SPAG9: variants seen among roughly 807,000 people sequenced by gnomAD.
The protein encoded by SPAG9 is C-Jun-amino-terminal kinase-interacting protein 4.
SPAG9 carries 35 observed loss-of-function variants against 166.5 expected under a neutral mutation model. The observed-to-expected ratio is 0.21, with a 90% CI of 0.16 to 0.28. The LOEUF (loss-of-function observed/expected upper bound fraction) is 0.28. SPAG9 is among the 10% of genes least tolerant of loss of function. The pLI is 1.00. For missense variants in SPAG9, 1,235 were observed against 1,603.3 expected, an observed-to-expected ratio of 0.77 and a Z score of 3.92; for synonymous variants, 534 against 565.5, an observed-to-expected ratio of 0.94 and a Z score of 0.79.
intron 12 of SPAG9, among the ~76,000 whole-genome samples, chr17:51,003,294 A>T (rs2045044231): frequency 1.3e-5 from 2 of 152,190 alleles, no homozygotes; most frequent in African/African-American, 4.8e-5. Flanking sequence ...TGCAGATTTT[A>T]AACTAAAACC....
chr17:50,988,371 G>A (rs1975244673), intron 21 of SPAG9, among the ~76,000 whole-genome samples: 2 of 152,120 alleles, frequency 1.3e-5, no homozygotes. Context: ...GCATAAATGG[G>A]TTATTAATTA....
At position 51,020,174 on chromosome 17, in the gene SPAG9, C is replaced by A; in HGVS notation, c.1076G>T (p.Gly359Val). 4 of 1,608,740 alleles carry A rather than the reference C, an allele frequency of 2.5e-6. No homozygotes were observed. Among genetic ancestry groups the A allele is most frequent in the Non-Finnish European group, 3.4e-6 (4 of 1,175,230 alleles). Reference sequence around the variant, plus strand: ...TTTATGTTACCTTGAACCTTTATATCCACTGAGATCTTTGTCCATATCCAG... The same window carrying A: ...TTTATGTTACCTTGAACCTTTATATACACTGAGATCTTTGTCCATATCCAG... ...PELDMDKDLSGYKGSSTPTKG... is the reference protein window; with the variant it reads ...PELDMDKDLSVYKGSSTPTKG... Residue 359 changes from glycine to valine, a missense_variant, in exon 8 of 30, where the codon GGA (glycine) becomes GTA (valine). This residue lies in a region of SPAG9 where 288 missense variants were observed against 323.7 expected (regional missense o/e 0.89). Coordinates refer to ENST00000262013, the MANE Select transcript of SPAG9 (RefSeq NM_001130528.3).
At chr17:51,101,795 T>C (rs1299336071) in intron 1 of SPAG9, among the ~76,000 whole-genome samples, 1 of 152,040 alleles carries the variant, frequency 6.6e-6, no homozygotes, top group Non-Finnish European at 1.5e-5. Flanking sequence ...GGCTAATTTT[T>C]TGTATTTTTA....
In SPAG9 at chr17:50,977,114, T is replaced by C. The variant is rs1264885653; in HGVS notation, c.3517A>G (p.Thr1173Ala). The C allele has an allele frequency of 6.3e-7, 1 of 1,585,096 alleles. No homozygotes were observed. The highest frequency in any genetic ancestry group is 1.3e-5 in the African/African-American group (1 of 74,284). ...TATCTAAAAATATACTTACTTTCTGTCAATGGGATGGAGATAATGACACCA... is the reference window on the plus strand; with the variant it reads ...TATCTAAAAATATACTTACTTTCTGCCAATGGGATGGAGATAATGACACCA... The part of the protein sequence containing the change: ...GNGVIISIPL[T>A]ETNKTSGVPG... The change falls in exon 27 of 30, where the codon ACA becomes GCA. Residue 1173 changes from threonine to alanine, a missense_variant. This residue lies in a region of SPAG9 where 243 missense variants were observed against 358.6 expected (regional missense o/e 0.68). Coordinates refer to ENST00000262013, the MANE Select transcript of SPAG9 (RefSeq NM_001130528.3).
At chr17:51,045,995 A>C (rs1039348470) in intron 4 of SPAG9, among the ~76,000 whole-genome samples, 19 of 152,220 alleles carry the variant, frequency 1.2e-4, no homozygotes, top group African/African-American at 4.3e-4. Flanking sequence ...ATTTTGTTTT[A>C]GGAGGAAAAT....
chr17:50,977,797 T>C (rs922571009), intron 26 of SPAG9, among the ~76,000 whole-genome samples: 1 of 151,994 alleles, frequency 6.6e-6, no homozygotes, highest in Non-Finnish European at 1.5e-5. Context: ...GGTGGGAGGG[T>C]CACTTGAGCG....
Position 50,999,411 on chromosome 17 carries a change from C to G in SPAG9, c.1664+250G>C, listed in dbSNP as rs755919772. The G allele has an allele frequency of 9.4e-5, 124 of 1,323,010 alleles. 1 individual carries two copies. Among genetic ancestry groups the G allele is most frequent in the Admixed American group, 1.2e-4 (4 of 32,372 alleles). 82.0% of individuals were successfully genotyped at this position (1,323,010 alleles called of 1,614,324 possible). A position where few individuals can be genotyped will look rare whatever the true frequency, so the allele number is the denominator to read the frequency against. On this transcript the variant is annotated intron_variant, in intron 14 of 29. Transcript: ENST00000262013. ...ATTTAAATTTGGCAGAGGATTGCAA[C>G]AAATGCACAGTCAACATGATGCAGC...
At chr17:51,060,179 T>C (rs1217019686) in intron 2 of SPAG9, among the ~76,000 whole-genome samples, 1 of 151,894 alleles carries the variant, frequency 6.6e-6, no homozygotes, top group Non-Finnish European at 1.5e-5. Flanking sequence ...TACCTCCCAA[T>C]ATGACTGCAT....
At chr17:51,118,674 C>G (rs372764585) in intron 1 of SPAG9, among the ~76,000 whole-genome samples, 1 of 152,194 alleles carries the variant, frequency 6.6e-6, no homozygotes, top group Non-Finnish European at 1.5e-5. Flanking sequence ...AACAAACAAG[C>G]GGAAATTGTG....
intron 6 of SPAG9, among the ~76,000 whole-genome samples, chr17:51,026,707 C>T (rs1475409730): frequency 7.2e-6 from 1 of 139,050 alleles, no homozygotes; most frequent in Non-Finnish European, 1.5e-5. Context: ...CGAAGTTTCG[C>T]TCTTGTTGCC....
chr17:51,061,612 C>CAAA (rs34010166), intron 2 of SPAG9, among the ~76,000 whole-genome samples: 709 of 31,462 alleles, frequency 0.023, 45 homozygotes, highest in African/African-American at 0.037. Context: ...GCTCTGTCTC[C>CAAA]AAAAAAAAAA....
chr17:50,992,966 C>T (rs1006184727), intron 19 of SPAG9, among the ~76,000 whole-genome samples: 4 of 150,114 alleles, frequency 2.7e-5, no homozygotes, highest in Non-Finnish European at 4.5e-5. Context: ...TGTAGTGGCT[C>T]GTGCCTGTAG....
chr17:51,120,628 T>A lies in SPAG9; in HGVS notation c.29A>T (p.Gln10Leu). The change falls in exon 1 of 30, where the codon CAG becomes CTG. Residue 10 changes from glutamine (Q) to leucine (L), a missense_variant. Transcript: ENST00000262013. The surrounding 1 kb of genome is among the most constrained non-coding windows in gnomAD (Gnocchi z 4.7). ...GGCCCCGGAGCCGCCGGGCTCCTCC[T>A]GATACACCACACCGTCCTCCAGCTC... is the stretch of plus-strand genomic sequence containing the variant. MELEDGVVY[Q>L]EEPGGSGAVM... The A allele has an allele frequency of 1.2e-6, 2 of 1,610,680 alleles. No individual in the cohort carries two copies. The highest frequency in any genetic ancestry group is 1.7e-5 in the Admixed American group (1 of 59,610).
chr17:51,069,214 AATAT>A (rs985446020), intron 2 of SPAG9, among the ~76,000 whole-genome samples: 1 of 151,806 alleles, frequency 6.6e-6, no homozygotes, highest in Admixed American at 6.6e-5. Flanking sequence ...TCATCATTAA[AATAT>A]ATATATATAA....
At chr17:51,077,468 T>C (rs925032035) in intron 2 of SPAG9, among the ~76,000 whole-genome samples, 2 of 152,050 alleles carry the variant, frequency 1.3e-5, no homozygotes, top group African/African-American at 2.4e-5. Context: ...ATTTAAACAT[T>C]ACCTCCAATA....
Position 50,985,734 on chromosome 17 carries a change from T to C in SPAG9, c.2984A>G (p.His995Arg). The change falls in exon 23 of 30, where the codon CAT becomes CGT. Residue 995 changes from histidine (H) to arginine (R), a missense_variant. Around this residue, in one of 6 missense-constraint regions of SPAG9, gnomAD observed 493 missense variants for 559.4 expected, o/e 0.88. Transcript: ENST00000262013. The stretch of plus-strand genomic sequence containing the variant: ...AATCGAATCTTTAAGTTTAATGGAA[T>C]GGAGACATTTCCTCCACTGGGCTAC... Reference protein sequence around the residue: ...SSVAQWRKCLHSIKLKDSILS... With the variant: ...SSVAQWRKCLRSIKLKDSILS... The C allele has an allele frequency of 6.2e-7, 1 of 1,609,010 alleles. No individual in the cohort carries two copies. Among genetic ancestry groups the C allele is most frequent in the Non-Finnish European group, 8.5e-7 (1 of 1,176,042 alleles).
chr17:51,046,752 TTGCTGCCACAAAAACAA>T, intron 4 of SPAG9: 3 of 1,535,488 alleles, frequency 2.0e-6, no homozygotes, highest in Non-Finnish European at 2.6e-6. Context: ...GTCATTCAGC[TTGCTGCCACAAAAACAA>T]TGCCATCAGC....
intron 4 of SPAG9, 43 bp from the exon 5 acceptor site, chr17:51,041,694 G>A: frequency 2.5e-6 from 4 of 1,596,216 alleles, no homozygotes; most frequent in Non-Finnish European, 3.4e-6. Flanking sequence ...CATTTATTTT[G>A]ACTTTTTATT....
intron 3 of SPAG9, among the ~76,000 whole-genome samples, chr17:51,050,890 T>A (rs1871920322): frequency 6.7e-6 from 1 of 148,854 alleles, no homozygotes; most frequent in African/African-American, 2.5e-5. Context: ...TGCATATTAA[T>A]TCACACATTC....
Sources: gnomAD v4.1 joint callset for allele counts (sites outside exome capture counted in the v4.1 genomes callset) on GRCh38, gnomAD v4.1.1 for gene constraint, gnomAD v4.1.1 regional missense constraint, Gnocchi (gnomAD v3.1) non-coding constraint, MANE v1.5 for transcripts, NCBI Gene and HGNC (gene_info 2026-07-23, HGNC 2026-07-21) for gene names.